Variants in ADGRL1 observed in about 807,000 individuals in gnomAD.
ADGRL1 encodes adhesion G protein-coupled receptor L1.
A neutral mutation model predicts 148.9 loss-of-function variants in ADGRL1; 31 were observed. The observed-to-expected ratio is 0.21, with a 90% CI of 0.16 to 0.28. The LOEUF is 0.28. Among genes scored for constraint, ADGRL1 ranks in the 10% least tolerant of loss-of-function variants. The pLI is 1.00. For synonymous variants in ADGRL1, 937 were observed against 900.3 expected (o/e 1.04, Z -0.73); for missense variants, 1,521 against 2,058.8 (o/e 0.74, Z 5.05).
intron 22 of ADGRL1, 120 bp from the exon 23 acceptor site, chr19:14,151,735 TC>T: frequency 3.1e-6 from 3 of 963,586 alleles, no homozygotes; most frequent in Non-Finnish European, 4.6e-6. Flanking sequence ...TCCGTAGGCT[TC>T]CCCCTGCCCC....
rs764736612 is a variant in ADGRL1 at position 14,170,802 on chromosome 19, G to C, written c.285-11C>G. Reference sequence around the variant, plus strand: ...GTGCGGTTGTTACACCTTCAGAGGAGAAACAGGGCATTGGGAAAGAAACAC... The same window carrying C: ...GTGCGGTTGTTACACCTTCAGAGGACAAACAGGGCATTGGGAAAGAAACAC... On this transcript the variant is annotated splice_polypyrimidine_tract_variant and intron_variant, in intron 3 of 22. Transcript: ENST00000361434. 11 of 1,302,388 alleles carry C rather than the reference G, an allele frequency of 8.4e-6. No homozygotes were observed. The highest frequency in any genetic ancestry group is 1.1e-5 in the Non-Finnish European group (10 of 911,796). 80.7% of individuals were successfully genotyped at this position (1,302,388 alleles called of 1,614,324 possible).
chr19:14,155,441 A>G lies in ADGRL1; in HGVS notation c.3212T>C (p.Val1071Ala), dbSNP rs1275231466. The change falls in exon 18 of 23, where the codon GTG becomes GCG. Residue 1071 changes from valine to alanine, a missense_variant. Physicochemically the swap from Val to Ala is moderately conservative, Grantham distance 64 (BLOSUM62 0). Coordinates refer to ENST00000361434, the MANE Select transcript of ADGRL1 (RefSeq NM_014921.5). The surrounding 1 kb of genome is among the most constrained non-coding windows in gnomAD (Gnocchi z 5.0). ...FGLLFINKES[V>A]VMAYLFTTFN... ...GGTGGTGAAGAGATAGGCCATGACC[A>G]CCGACTCCTTGTTGATGAAGAGGAG... 1.2e-6 allele frequency: 2 copies of G among 1,613,962 alleles called. No homozygotes were observed. Among genetic ancestry groups the G allele is most frequent in the Non-Finnish European group, 1.7e-6 (2 of 1,179,992 alleles).
chr19:14,160,462 G>T lies in ADGRL1; in HGVS notation c.1614+131C>A. 1.1e-6 allele frequency: 1 copy of T among 913,822 alleles called. No individual in the cohort carries two copies. 56.6% of individuals were successfully genotyped at this position (913,822 alleles called of 1,614,324 possible). A position where few individuals can be genotyped will look rare whatever the true frequency, so the allele number is the denominator to read the frequency against. On this transcript the variant is annotated intron_variant, in intron 7 of 22. Coordinates refer to ENST00000361434, the MANE Select transcript of ADGRL1 (RefSeq NM_014921.5). This position sits in a 1 kb window ranked among gnomAD's most constrained non-coding sequence, Gnocchi z 5.9. ...TGTCCCTGCTCCCTTTGTAGGCCAG[G>T]GAGGTGACCCCACAGTCCTGCCTTC...
chr19:14,151,478 G>T lies in ADGRL1; in HGVS notation c.3805C>A (p.Leu1269Ile). The T allele has an allele frequency of 1.2e-6, 2 of 1,612,270 alleles. No homozygotes were observed. The change falls in exon 23 of 23, where the codon CTA (leucine) becomes ATA (isoleucine). Residue 1269 changes from leucine to isoleucine, a missense_variant. Transcript: ENST00000361434. ...GGPEPPRGRN[L>I]ADAAAFEKMI... is the part of the protein sequence containing the mutation. ...TTCTCAAAGGCCGCCGCATCGGCTA[G>T]GTTCCGGCCTCGGGGCGGCTCAGGG...
chr19:14,152,086 T>TC lies in ADGRL1; in HGVS notation c.3667+46dup. On this transcript the variant is annotated intron_variant, in intron 22 of 22. Transcript: ENST00000361434. This position sits in a 1 kb window ranked among gnomAD's most constrained non-coding sequence, Gnocchi z 6.1. ...GGCCGTCTGAGAAGGCCACTGTCTG[T>TC]CCCTCTCCCAGCCTCAGAAACATCC... is the stretch of plus-strand genomic sequence containing the variant. 1 of 1,565,446 alleles carries TC rather than the reference T, an allele frequency of 6.4e-7. No homozygotes were observed. Among genetic ancestry groups the TC allele is most frequent in the Non-Finnish European group, 8.8e-7 (1 of 1,135,604 alleles).
intron 3 of ADGRL1, among the ~76,000 whole-genome samples, chr19:14,175,563 C>T (rs1212848805): frequency 6.6e-6 from 1 of 152,104 alleles, no homozygotes; most frequent in African/African-American, 2.4e-5. Flanking sequence ...CATTCACACA[C>T]ACATCCACCC....
rs1426045650 is a variant in ADGRL1 at position 14,162,659 on chromosome 19, T to C, written c.1142A>G (p.Asn381Ser). 6.8e-6 allele frequency: 11 copies of C among 1,613,726 alleles called. No individual in the cohort carries two copies. Among genetic ancestry groups the C allele is most frequent in the Non-Finnish European group, 9.3e-6 (11 of 1,179,726 alleles). Reference sequence around the variant, plus strand: ...CAGGCTGTAGCGCACCACGAAATAGTTGTTCCAGACGTACAGCTGGTTGTC... The same window carrying C: ...CAGGCTGTAGCGCACCACGAAATAGCTGTTCCAGACGTACAGCTGGTTGTC... Reference protein sequence around the residue: ...PRDNQLYVWNNYFVVRYSLEF... With the variant: ...PRDNQLYVWNSYFVVRYSLEF... The change falls in exon 5 of 23, where the codon AAC (asparagine) becomes AGC (serine). Residue 381 changes from asparagine (N) to serine (S), a missense_variant. Coordinates refer to ENST00000361434, the MANE Select transcript of ADGRL1 (RefSeq NM_014921.5). The surrounding 1 kb of genome is among the most constrained non-coding windows in gnomAD (Gnocchi z 5.4).
Position 14,163,402 on chromosome 19 carries a change from G to A in ADGRL1, c.399C>T (p.Phe133=), listed in dbSNP as rs776365074. ...EVQYDCVPYI[F]VCPGTLQKVL... ...CCTTCTGCAGGGTCCCTGGGCACAC[G>A]AAGACTGGGCAGAGTGGGCGGGAGG... Residue 133 remains phenylalanine, a synonymous_variant, in exon 5 of 23, where the codon TTC becomes TTT. Transcript: ENST00000361434. The A allele has an allele frequency of 3.2e-5, 50 of 1,553,386 alleles. 1 individual carries two copies. The South Asian group carries it at 4.4e-4, about 14-fold the overall frequency.
At position 14,161,578 on chromosome 19, in the gene ADGRL1, G is replaced by C; in HGVS notation, c.1244C>G (p.Thr415Arg). The C allele has an allele frequency of 6.9e-7, 1 of 1,445,948 alleles. No homozygotes were observed. The highest frequency in any genetic ancestry group is 1.5e-5 in the South Asian group (1 of 66,552). 89.6% of individuals were successfully genotyped at this position (1,445,948 alleles called of 1,614,324 possible). ...GGGCGAGGCTGTGCTGGTGAGGGGC[G>C]TGGGCCTGGCTGTGGTGGTCGTGCT... Reference protein sequence around the residue: ...PLSTTTTARPTPLTSTASPAA... With the variant: ...PLSTTTTARPRPLTSTASPAA... The change falls in exon 6 of 23, where the codon ACG (threonine) becomes AGG (arginine). Residue 415 changes from threonine to arginine, a missense_variant. Around this residue, in one of 8 missense-constraint regions of ADGRL1, gnomAD observed 270 missense variants for 320.4 expected, o/e 0.84. Transcript: ENST00000361434. This position sits in a 1 kb window ranked among gnomAD's most constrained non-coding sequence, Gnocchi z 4.4.
chr19:14,187,521 C>T (rs1971651797), intron 1 of ADGRL1, among the ~76,000 whole-genome samples: 2 of 151,778 alleles, frequency 1.3e-5, no homozygotes, highest in Admixed American at 1.3e-4. Flanking sequence ...CTCATGCCCA[C>T]TCCCGATACC....
chr19:14,155,927 C>G lies in ADGRL1; in HGVS notation c.3125+183G>C. 1 of 598,150 alleles carries G rather than the reference C, an allele frequency of 1.7e-6. No individual in the cohort carries two copies. Among genetic ancestry groups the G allele is most frequent in the Non-Finnish European group, 3.0e-6 (1 of 333,348 alleles). The allele number at this position is 598,150 out of a possible 1,614,324, so 37.1% of individuals were successfully genotyped here. On this transcript the variant is annotated intron_variant, in intron 17 of 22. Coordinates refer to ENST00000361434, the MANE Select transcript of ADGRL1 (RefSeq NM_014921.5). This position sits in a 1 kb window ranked among gnomAD's most constrained non-coding sequence, Gnocchi z 5.0. Reference sequence around the variant, plus strand: ...ACAGGTTGGACGTGCTAATGATACGCTATCTAAGACCCATTAAGTAGGTAC... The same window carrying G: ...ACAGGTTGGACGTGCTAATGATACGGTATCTAAGACCCATTAAGTAGGTAC...
At chr19:14,174,048 C>T (rs1324721721) in intron 3 of ADGRL1, among the ~76,000 whole-genome samples, 2 of 151,800 alleles carry the variant, frequency 1.3e-5, no homozygotes, top group Non-Finnish European at 2.9e-5. Flanking sequence ...CCCTACAAGT[C>T]CTTCTGGATG....
At chr19:14,165,722 G>A (rs1025596069) in intron 4 of ADGRL1, among the ~76,000 whole-genome samples, 4 of 151,974 alleles carry the variant, frequency 2.6e-5, no homozygotes, top group Admixed American at 2.6e-4. Flanking sequence ...GGGGTGTGGT[G>A]AGGGGGCGGA....
chr19:14,181,824 C>A (rs1213003660), intron 2 of ADGRL1, among the ~76,000 whole-genome samples: 1 of 152,196 alleles, frequency 6.6e-6, no homozygotes, highest in African/African-American at 2.4e-5. Context: ...GGTCATCCTG[C>A]AGGGATCCTG....
At chr19:14,203,352 C>T (rs1365092848) in intron 1 of ADGRL1, among the ~76,000 whole-genome samples, 1 of 152,150 alleles carries the variant, frequency 6.6e-6, no homozygotes, top group Non-Finnish European at 1.5e-5. Flanking sequence ...GATGCTCTGG[C>T]GGGGATGGCA....
At chr19:14,166,919 G>C in intron 4 of ADGRL1, 1 of 1,267,818 alleles carries the variant, frequency 7.9e-7, no homozygotes, top group South Asian at 1.2e-5. Context: ...GTGGGTTGGG[G>C]AGAGAAGAAG....
intron 1 of ADGRL1, among the ~76,000 whole-genome samples, chr19:14,190,885 C>T (rs1971888485): frequency 6.6e-6 from 1 of 152,106 alleles, no homozygotes; most frequent in African/African-American, 2.4e-5. Context: ...GTCAGGAGTT[C>T]AAGACCAGCC....
chr19:14,163,486 GAGAGAGAGAGA>G (rs1969636397), intron 4 of ADGRL1, 80 bp from the exon 5 acceptor site: 7 of 1,076,332 alleles, frequency 6.5e-6, no homozygotes, highest in Middle Eastern at 3.0e-4. Flanking sequence ...GAGAGAGAGA[GAGAGAGAGAGA>G]GGGGGGAGAG....
Position 14,162,454 on chromosome 19 carries a change from G to C in ADGRL1, c.1195+152C>G, listed in dbSNP as rs2144746422. 6 of 656,672 alleles carry C rather than the reference G, an allele frequency of 9.1e-6. No homozygotes were observed. In the South Asian group the frequency reaches 1.1e-4, roughly 12 times the overall value. 40.7% of individuals were successfully genotyped at this position (656,672 alleles called of 1,614,324 possible). A position where few individuals can be genotyped will look rare whatever the true frequency, so the allele number is the denominator to read the frequency against. ...CGAGTTAATGACTGTGAAGTGCTTA[G>C]AACAGCGTCTGTCACATGCTGTGAA... On this transcript the variant is annotated intron_variant, in intron 5 of 22. Coordinates refer to ENST00000361434, the MANE Select transcript of ADGRL1 (RefSeq NM_014921.5). The surrounding 1 kb of genome is among the most constrained non-coding windows in gnomAD (Gnocchi z 5.4).
Sources: gnomAD v4.1 joint callset for allele counts (sites outside exome capture counted in the v4.1 genomes callset) on GRCh38, gnomAD v4.1.1 for gene constraint, gnomAD v4.1.1 regional missense constraint, Gnocchi (gnomAD v3.1) non-coding constraint, MANE v1.5 for transcripts, NCBI Gene and HGNC (gene_info 2026-07-23, HGNC 2026-07-21) for gene names.